Variants in MGRN1 observed in about 807,000 individuals in gnomAD.
The protein encoded by MGRN1 is E3 ubiquitin-protein ligase MGRN1.
Under a neutral mutation model 69.2 loss-of-function variants are expected in MGRN1, and 29 were observed. That is an observed-to-expected ratio of 0.42 (90% CI 0.31 to 0.57). The LOEUF is 0.57. MGRN1 is among the 20% of genes least tolerant of loss of function. MGRN1 has a pLI of 0.15. For synonymous variants in MGRN1, 470 were observed against 344.2 expected (o/e 1.37, Z -4.04); for missense variants, 998 against 796.2 (o/e 1.25, Z -3.05).
At chr16:4,671,954 G>A (rs942963140) in intron 9 of MGRN1, among the ~76,000 whole-genome samples, 4 of 152,220 alleles carry the variant, frequency 2.6e-5, no homozygotes, top group African/African-American at 7.2e-5. Context: ...TGCTCAGGCT[G>A]TAATGCAGCA....
At chr16:4,630,403 G>C (rs1195930858) in intron 1 of MGRN1, among the ~76,000 whole-genome samples, 2 of 151,552 alleles carry the variant, frequency 1.3e-5, no homozygotes, top group Non-Finnish European at 2.9e-5. Context: ...CCTAGGTCAA[G>C]GTCACAAAGA....
chr16:4,663,005 C>A (rs1268371207), intron 5 of MGRN1, among the ~76,000 whole-genome samples: 1 of 152,238 alleles, frequency 6.6e-6, no homozygotes, highest in African/African-American at 2.4e-5. Flanking sequence ...TCTCCCCTCA[C>A]CCAACTGCCC....
intron 1 of MGRN1, among the ~76,000 whole-genome samples, chr16:4,640,970 C>T (rs1157618555): frequency 6.6e-6 from 1 of 152,192 alleles, no homozygotes; most frequent in African/African-American, 2.4e-5. Context: ...TCCTTGGGGC[C>T]AGCGGGAAAG....
rs2079184462 is a variant in MGRN1, at chr16:4,681,628, G to A, written c.1210G>A (p.Ala404Thr). The A allele has an allele frequency of 1.2e-6, 2 of 1,613,458 alleles. No homozygotes were observed. The highest frequency in any genetic ancestry group is 2.7e-5 in the African/African-American group (2 of 75,068). The stretch of plus-strand genomic sequence containing the variant: ...CAACGGCCTCCGGGCTGTCTCCCCG[G>A]CCATCCCCTCGGCCCCTCTTTATGA... ...ALNGLRAVSP[A>T]IPSAPLYEEI... The change falls in exon 13 of 17, where the codon GCC becomes ACC. Residue 404 changes from alanine (A) to threonine (T), a missense_variant. By Grantham distance (58) the Ala-to-Thr change is moderately conservative. Transcript: ENST00000262370.
chr16:4,658,318 G>A (rs1175555389), intron 5 of MGRN1, among the ~76,000 whole-genome samples: 12 of 148,832 alleles, frequency 8.1e-5, no homozygotes, highest in African/African-American at 1.5e-4. Context: ...GGCGGATCAC[G>A]AGGTCAGGAG....
At chr16:4,643,479 C>A (rs959349650) in intron 1 of MGRN1, among the ~76,000 whole-genome samples, 1 of 150,120 alleles carries the variant, frequency 6.7e-6, no homozygotes, top group African/African-American at 2.5e-5. Context: ...AAGGAATTCT[C>A]CTGCCTCAGC....
At chr16:4,657,551 G>A (rs1442915649) in intron 5 of MGRN1, among the ~76,000 whole-genome samples, 188 bp downstream of exon 5, 1 of 152,208 alleles carries the variant, frequency 6.6e-6, no homozygotes, top group Non-Finnish European at 1.5e-5. Context: ...GCCATGTGCT[G>A]ATGGGGCCAG....
Position 4,659,516 on chromosome 16 carries a change from G to T in MGRN1, c.561+2153G>T, listed in dbSNP as rs566685732. 5.3e-5 allele frequency among the ~76,000 whole-genome samples: 8 copies of T among 152,342 alleles called. No homozygotes were observed. In the East Asian group the frequency reaches 1.5e-3, roughly 29 times the overall value. ...GGGTACGGTGTTTAGGGCCCAGAGA[G>T]GGTTGGAATCACGATGCCCCCAGTT... On this transcript the variant is annotated intron_variant, in intron 5 of 16. Transcript: ENST00000262370.
Position 4,682,851 on chromosome 16 carries a change from C to G in MGRN1, c.1387C>G (p.His463Asp). 6.2e-7 allele frequency: 1 copy of G among 1,604,920 alleles called. No homozygotes were observed. The highest frequency in any genetic ancestry group is 8.5e-7 in the Non-Finnish European group (1 of 1,173,310). Residue 463 changes from histidine to aspartate, a missense_variant, in exon 14 of 17, where the codon CAC becomes GAC. By Grantham distance (81) the His-to-Asp change is moderately conservative (BLOSUM62 -1). Coordinates refer to ENST00000262370, the MANE Select transcript of MGRN1 (RefSeq NM_015246.4). ...CCTACGGTCCCCGTCTTCCCCCATC[C>G]ACGAAGAGGATGAGGAGAAGCTCTC... ...STLRSPSSPI[H>D]EEDEEKLSED... is the part of the protein sequence containing the mutation.
intron 16 of MGRN1, chr16:4,687,926 G>C (rs1244140784): frequency 2.0e-6 from 2 of 985,468 alleles, no homozygotes; most frequent in South Asian, 4.7e-5. Flanking sequence ...CCCCTAGATT[G>C]AAACAGTCAG....
chr16:4,679,381 A>G (rs1317748996), intron 11 of MGRN1, among the ~76,000 whole-genome samples: 3 of 152,132 alleles, frequency 2.0e-5, no homozygotes, highest in Non-Finnish European at 4.4e-5. Flanking sequence ...TGACCTCCAC[A>G]TGCCCCAGAA....
chr16:4,685,696 G>T, intron 16 of MGRN1, among the ~76,000 whole-genome samples: 1 of 152,372 alleles, frequency 6.6e-6, no homozygotes, highest in South Asian at 2.1e-4. Flanking sequence ...AATCCATGTG[G>T]TGGCCCCTCT....
At position 4,677,449 on chromosome 16, in the gene MGRN1, T is replaced by C. The variant is rs2079078238; in HGVS notation, c.956-14T>C. The C allele has an allele frequency of 6.5e-7, 1 of 1,538,768 alleles. No individual in the cohort carries two copies. Among genetic ancestry groups the C allele is most frequent in the South Asian group, 1.2e-5 (1 of 83,458 alleles). On this transcript the variant is annotated splice_polypyrimidine_tract_variant and intron_variant, in intron 10 of 16. Coordinates refer to ENST00000262370, the MANE Select transcript of MGRN1 (RefSeq NM_015246.4). ...TGTCGCCTGGGCCTGATCTGAGCCC[T>C]CCTTCTGCCGCAGCTTTCCGGGCCC...
intron 1 of MGRN1, among the ~76,000 whole-genome samples, chr16:4,631,156 G>T (rs574390456): frequency 6.6e-6 from 1 of 152,208 alleles, no homozygotes; most frequent in South Asian, 2.1e-4. Flanking sequence ...TTGAGATAAA[G>T]ATCTAAACCC....
In MGRN1 at chr16:4,671,414, G is replaced by A. The variant is rs143238165; in HGVS notation, c.750G>A (p.Leu250=). 74 of 1,614,066 alleles carry A rather than the reference G, an allele frequency of 4.6e-5. No homozygotes were observed. In the East Asian group the frequency reaches 1.6e-3, roughly 35 times the overall value. The change falls in exon 9 of 17, where the codon CTG becomes CTA. Residue 250 remains leucine (L), a synonymous_variant. Transcript: ENST00000262370. ...AGGTGGACCGGGTCAGCTACCTCCT[G>A]CAGGAGATCTATGGCATTGAGAACA... is the stretch of plus-strand genomic sequence containing the variant. The part of the protein sequence containing the change: ...KQIVDRVSYL[L]QEIYGIENKN...
chr16:4,628,108 T>C (rs1015150670), intron 1 of MGRN1, among the ~76,000 whole-genome samples: 16 of 127,046 alleles, frequency 1.3e-4, no homozygotes, highest in South Asian at 4.9e-4. Flanking sequence ...GAATTGTGGG[T>C]GGGTGCGGTG....
At chr16:4,675,437 A>G (rs1021535799) in intron 10 of MGRN1, among the ~76,000 whole-genome samples, 5 of 152,122 alleles carry the variant, frequency 3.3e-5, no homozygotes, top group African/African-American at 9.7e-5. Flanking sequence ...AATAGAAAAT[A>G]TTTCAATAAA....
intron 1 of MGRN1, among the ~76,000 whole-genome samples, chr16:4,644,633 T>G (rs2078237301): frequency 6.6e-6 from 1 of 152,234 alleles, no homozygotes; most frequent in African/African-American, 2.4e-5. Context: ...TTGAGAAACC[T>G]TGATAACATC....
intron 1 of MGRN1, among the ~76,000 whole-genome samples, chr16:4,640,917 G>A (rs918799044): frequency 1.3e-5 from 2 of 152,218 alleles, no homozygotes; most frequent in South Asian, 2.1e-4. Flanking sequence ...GCCAAGCTTC[G>A]TTTCCTGTAT....
Sources: gnomAD v4.1 joint callset for allele counts (sites outside exome capture counted in the v4.1 genomes callset) on GRCh38, gnomAD v4.1.1 for gene constraint, MANE v1.5 for transcripts, NCBI Gene and HGNC (gene_info 2026-07-23, HGNC 2026-07-21) for gene names.